Variants in ZSWIM5 observed in about 807,000 individuals in gnomAD.
ZSWIM5 encodes the protein zinc finger SWIM domain-containing protein 5.
In ZSWIM5, 55 loss-of-function variants were observed where a neutral mutation model predicts 119.6. That is an observed-to-expected ratio of 0.46 (90% CI 0.37 to 0.58). The LOEUF (loss-of-function observed/expected upper bound fraction) is 0.58, where lower values mean the gene tolerates loss of function less well. Ranked by LOEUF, ZSWIM5 falls within the 20% of genes least tolerant of loss-of-function variation. ZSWIM5 has a pLI of 0.00. For synonymous variants in ZSWIM5, 537 were observed against 606.9 expected, an observed-to-expected ratio of 0.88 and a Z score of 1.69; for missense variants, 1,193 against 1,512.8, an observed-to-expected ratio of 0.79 and a Z score of 3.51.
intron 1 of ZSWIM5, among the ~76,000 whole-genome samples, chr1:45,205,231 G>C (rs1398255053): frequency 2.0e-5 from 3 of 151,800 alleles, no homozygotes; most frequent in Non-Finnish European, 4.4e-5. Context: ...CACCGGTCCA[G>C]GGGAAAAATC....
chr1:45,184,919 CAA>C, intron 1 of ZSWIM5, among the ~76,000 whole-genome samples: 1 of 150,612 alleles, frequency 6.6e-6, no homozygotes, highest in South Asian at 2.1e-4. Flanking sequence ...CATATGGAAC[CAA>C]AAAAGAGCCC....
chr1:45,126,846 A>T (rs948896172), intron 1 of ZSWIM5, among the ~76,000 whole-genome samples: 3 of 152,114 alleles, frequency 2.0e-5, no homozygotes, highest in Admixed American at 1.3e-4. Context: ...AACAACAACA[A>T]CTTGTTTTAA....
At chr1:45,096,455 TGTGTGTGC>T (rs1179671448) in intron 1 of ZSWIM5, among the ~76,000 whole-genome samples, 10 of 145,040 alleles carry the variant, frequency 6.9e-5, no homozygotes, top group African/African-American at 2.8e-4. Flanking sequence ...TGTGTGTGTG[TGTGTGTGC>T]GTGTGTGTGC....
rs1397939875 is a variant in ZSWIM5 at position 45,057,079 on chromosome 1, G to A, written c.1252+1530C>T. ...AAGCATGAATGCACTGTGTTCTAGT[G>A]TCTAACCTAATAAGCCTTCTCTAAG... On this transcript the variant is annotated intron_variant, in intron 4 of 13. Transcript: ENST00000359600. This position sits in a 1 kb window ranked among gnomAD's most constrained non-coding sequence, Gnocchi z 4.7. 1.3e-5 allele frequency among the ~76,000 whole-genome samples: 2 copies of A among 152,200 alleles called. No homozygotes were observed. Among genetic ancestry groups the A allele is most frequent in the African/African-American group, 4.8e-5 (2 of 41,462 alleles).
chr1:45,133,184 G>A (rs975518421), intron 1 of ZSWIM5, among the ~76,000 whole-genome samples: 3 of 152,124 alleles, frequency 2.0e-5, no homozygotes, highest in Admixed American at 6.5e-5. Flanking sequence ...TTGAGGAATC[G>A]CCACACTGTC....
intron 1 of ZSWIM5, among the ~76,000 whole-genome samples, chr1:45,119,288 T>C (rs1324087593): frequency 1.3e-5 from 2 of 152,230 alleles, no homozygotes; most frequent in Non-Finnish European, 2.9e-5. Context: ...CCCCTTGTTC[T>C]TATTCCAGAC....
At chr1:45,051,730 C>T (rs1326924772) in intron 4 of ZSWIM5, among the ~76,000 whole-genome samples, 2 of 152,082 alleles carry the variant, frequency 1.3e-5, no homozygotes, top group African/African-American at 4.8e-5. Flanking sequence ...TGGTTGGAAG[C>T]GAGGAAGTCA....
At chr1:45,056,885 T>A (rs1645127038) in intron 4 of ZSWIM5, among the ~76,000 whole-genome samples, 1 of 152,298 alleles carries the variant, frequency 6.6e-6, no homozygotes, top group Non-Finnish European at 1.5e-5. Context: ...TGAAACTTCA[T>A]GTGTGATCGG....
chr1:45,067,853 T>C (rs1430244511), intron 2 of ZSWIM5, among the ~76,000 whole-genome samples: 1 of 152,222 alleles, frequency 6.6e-6, no homozygotes, highest in Non-Finnish European at 1.5e-5. Flanking sequence ...TTATCTTTAG[T>C]AACAGTAAAT....
At chr1:45,031,709 G>A (rs1644954286) in intron 11 of ZSWIM5, among the ~76,000 whole-genome samples, 2 of 151,696 alleles carry the variant, frequency 1.3e-5, no homozygotes, top group Non-Finnish European at 2.9e-5. Context: ...GCGTGGTGGC[G>A]GGCACCCGTA....
In ZSWIM5 at chr1:45,149,424, A is replaced by C. The variant is rs552849488; in HGVS notation, c.595+56332T>G. 2.6e-5 allele frequency among the ~76,000 whole-genome samples: 4 copies of C among 152,336 alleles called. No individual in the cohort carries two copies. In the East Asian group the frequency reaches 7.7e-4, roughly 29 times the overall value. On this transcript the variant is annotated intron_variant, in intron 1 of 13. Transcript: ENST00000359600. Reference sequence around the variant, plus strand: ...ATTTAGCACAAATCTTTATGGAATGATTATGCTCATATAAGGCATACATAA... The same window carrying C: ...ATTTAGCACAAATCTTTATGGAATGCTTATGCTCATATAAGGCATACATAA...
chr1:45,161,547 A>G (rs1645863840), intron 1 of ZSWIM5, among the ~76,000 whole-genome samples: 2 of 152,100 alleles, frequency 1.3e-5, no homozygotes, highest in Non-Finnish European at 2.9e-5. Context: ...TCTTGATTCA[A>G]AGTATACTAT....
chr1:45,053,574 C>T (rs1034194057), intron 4 of ZSWIM5, among the ~76,000 whole-genome samples: 3 of 151,658 alleles, frequency 2.0e-5, no homozygotes, highest in Admixed American at 6.6e-5. Context: ...CCAGCCTGGC[C>T]AACATGGTGA....
chr1:45,168,693 GA>G (rs1645926164), intron 1 of ZSWIM5, among the ~76,000 whole-genome samples: 1 of 144,122 alleles, frequency 6.9e-6, no homozygotes, highest in African/African-American at 2.5e-5. Context: ...AAAGAATAAA[GA>G]TTGAATTTTT....
At chr1:45,105,039 T>C (rs553860532) in intron 1 of ZSWIM5, among the ~76,000 whole-genome samples, 1 of 152,098 alleles carries the variant, frequency 6.6e-6, no homozygotes, top group African/African-American at 2.4e-5. Flanking sequence ...GCAACCTCCC[T>C]GCCTTGGGCT....
chr1:45,089,952 G>A (rs2149012446), intron 1 of ZSWIM5, among the ~76,000 whole-genome samples: 1 of 152,258 alleles, frequency 6.6e-6, no homozygotes, highest in Non-Finnish European at 1.5e-5. Flanking sequence ...AGACTTTCCT[G>A]TTTATCTGGA....
chr1:45,075,110 A>T (rs1645248385), intron 2 of ZSWIM5, among the ~76,000 whole-genome samples: 1 of 151,864 alleles, frequency 6.6e-6, no homozygotes, highest in South Asian at 2.1e-4. Flanking sequence ...CTGTTTTAAG[A>T]CTTGTTTTGT....
chr1:45,135,442 T>C (rs951736142), intron 1 of ZSWIM5, among the ~76,000 whole-genome samples: 3 of 152,238 alleles, frequency 2.0e-5, no homozygotes, highest in Non-Finnish European at 4.4e-5. Flanking sequence ...AAACAGATTA[T>C]GTCACACTGA....
At chr1:45,182,691 A>C (rs901823047) in intron 1 of ZSWIM5, among the ~76,000 whole-genome samples, 3 of 151,922 alleles carry the variant, frequency 2.0e-5, no homozygotes, top group African/African-American at 7.2e-5. Context: ...TTCAACAAGA[A>C]GAGCTAACTA....
Sources: allele counts gnomAD v4.1 joint callset (sites outside exome capture counted in the v4.1 genomes callset), GRCh38; gene constraint gnomAD v4.1.1; non-coding constraint Gnocchi (gnomAD v3.1); transcripts MANE v1.5; gene names NCBI Gene and HGNC (gene_info 2026-07-23, HGNC 2026-07-21).